Variants in ADARB2 observed in about 807,000 individuals in gnomAD.
ADARB2 encodes inactive double-stranded RNA-specific editase B2.
Under a neutral mutation model 62.2 loss-of-function variants are expected in ADARB2, and 25 were observed. The observed-to-expected ratio is 0.40, with a 90% CI of 0.29 to 0.56. The LOEUF is 0.56. ADARB2 is among the 20% of genes least tolerant of loss of function. The pLI is 0.43. For synonymous variants in ADARB2, 572 were observed against 500.8 expected (o/e 1.14, Z -1.90); for missense variants, 1,071 against 1,077.4 (o/e 0.99, Z 0.08).
At chr10:1,514,202 T>TATATATATG (rs376354957) in intron 1 of ADARB2, among the ~76,000 whole-genome samples, 1 of 116,950 alleles carries the variant, frequency 8.6e-6, no homozygotes, top group East Asian at 2.9e-4. Flanking sequence ...TATATGTATA[T>TATATATATG]TATATAAAAT....
chr10:1,654,999 A>G (rs1834156273), intron 1 of ADARB2, among the ~76,000 whole-genome samples: 1 of 152,268 alleles, frequency 6.6e-6, no homozygotes, highest in Non-Finnish European at 1.5e-5. Flanking sequence ...CACAGCAGGC[A>G]GGCGTGAGGG....
intron 1 of ADARB2, among the ~76,000 whole-genome samples, chr10:1,677,330 T>C (rs1187471774): frequency 6.6e-6 from 1 of 152,188 alleles, no homozygotes; most frequent in African/African-American, 2.4e-5. Flanking sequence ...GCTTGCAAGA[T>C]GGAAACAGGT....
intron 1 of ADARB2, among the ~76,000 whole-genome samples, chr10:1,476,101 GAAGTAAAACATC>G (rs1241668208): frequency 6.6e-6 from 1 of 152,140 alleles, no homozygotes; most frequent in Non-Finnish European, 1.5e-5. Flanking sequence ...AAGCTCTGCA[GAAGTAAAACATC>G]CTTTGAAGGG....
chr10:1,184,529 A>G (rs778325921), intron 9 of ADARB2, among the ~76,000 whole-genome samples: 1 of 152,216 alleles, frequency 6.6e-6, no homozygotes, highest in Non-Finnish European at 1.5e-5. Flanking sequence ...CGGGAATAGT[A>G]TCGACTTCAA....
intron 3 of ADARB2, among the ~76,000 whole-genome samples, chr10:1,316,323 G>A (rs529208440): frequency 2.0e-5 from 3 of 152,228 alleles, no homozygotes; most frequent in South Asian, 4.1e-4. Context: ...TGGTGATGGC[G>A]GCTTCCCTGA....
At chr10:1,249,615 T>G (rs1282555143) in intron 4 of ADARB2, among the ~76,000 whole-genome samples, 1 of 143,526 alleles carries the variant, frequency 7.0e-6, no homozygotes, top group Non-Finnish European at 1.5e-5. Flanking sequence ...TGTGATTTTA[T>G]GCACACACAC....
chr10:1,586,320 G>A (rs1033386789), intron 1 of ADARB2, among the ~76,000 whole-genome samples: 5 of 151,902 alleles, frequency 3.3e-5, no homozygotes, highest in African/African-American at 9.7e-5. Flanking sequence ...GAATTATGAG[G>A]CAGCAAAGGG....
intron 3 of ADARB2, among the ~76,000 whole-genome samples, chr10:1,340,725 GCGGCAA>G (rs1832016781): frequency 7.1e-6 from 1 of 140,886 alleles, no homozygotes; most frequent in Non-Finnish European, 1.5e-5. Context: ...GCGCCCCACA[GCGGCAA>G]TAACCAGCAT....
intron 5 of ADARB2, 122 bp downstream of exon 5, chr10:1,242,009 G>T: frequency 9.2e-7 from 1 of 1,087,252 alleles, no homozygotes; most frequent in South Asian, 1.6e-5. Context: ...GATGCTTTCT[G>T]GCTCACCCTG....
At chr10:1,613,630 G>A (rs181569890) in intron 1 of ADARB2, among the ~76,000 whole-genome samples, 15 of 152,314 alleles carry the variant, frequency 9.8e-5, no homozygotes, top group East Asian at 9.6e-4. Context: ...TGCTGTAATC[G>A]TGTTCACCCA....
At chr10:1,632,906 C>T (rs925861778) in intron 1 of ADARB2, among the ~76,000 whole-genome samples, 5 of 152,170 alleles carry the variant, frequency 3.3e-5, no homozygotes, top group Non-Finnish European at 5.9e-5. Flanking sequence ...CTGGAAGAGA[C>T]CAGCATTTGA....
At chr10:1,476,917 C>T (rs528701056) in intron 1 of ADARB2, among the ~76,000 whole-genome samples, 22 of 152,220 alleles carry the variant, frequency 1.4e-4, no homozygotes, top group African/African-American at 2.4e-4. Context: ...TTCACATGCT[C>T]GGGAACACTC....
chr10:1,282,359 C>T (rs1410477782), intron 3 of ADARB2, among the ~76,000 whole-genome samples: 2 of 152,160 alleles, frequency 1.3e-5, no homozygotes, highest in Non-Finnish European at 2.9e-5. Context: ...AAGCCCTTTC[C>T]GGGTCTCTCC....
chr10:1,494,945 A>G lies in ADARB2; in HGVS notation c.101-115785T>C, dbSNP rs555843829. 1.1e-4 allele frequency among the ~76,000 whole-genome samples: 17 copies of G among 152,338 alleles called. 1 individual carries two copies. The South Asian group carries it at 2.3e-3, about 20-fold the overall frequency. On this transcript the variant is annotated intron_variant, in intron 1 of 9. Coordinates refer to ENST00000381312, the MANE Select transcript of ADARB2 (RefSeq NM_018702.4). ...TCTGGAGCTATCTCTTGCTAAAAAC[A>G]TAAAAGATTTAAAGATTTTTCTAGG...
intron 3 of ADARB2, among the ~76,000 whole-genome samples, chr10:1,347,048 G>A (rs1220783152): frequency 2.0e-5 from 3 of 152,236 alleles, no homozygotes; most frequent in Non-Finnish European, 4.4e-5. Flanking sequence ...AGAACTGCAT[G>A]TGAACATTCC....
chr10:1,228,980 C>T (rs1310609795), intron 6 of ADARB2, among the ~76,000 whole-genome samples: 2 of 152,288 alleles, frequency 1.3e-5, no homozygotes, highest in East Asian at 3.9e-4. Flanking sequence ...CCCTCTGCCC[C>T]GAATGCATCA....
intron 1 of ADARB2, among the ~76,000 whole-genome samples, chr10:1,555,189 T>C (rs1166843496): frequency 6.6e-6 from 1 of 152,208 alleles, no homozygotes; most frequent in African/African-American, 2.4e-5. Context: ...GACTGCATGT[T>C]GCCTTTGTGG....
intron 1 of ADARB2, among the ~76,000 whole-genome samples, chr10:1,440,495 C>G (rs1202225365): frequency 6.6e-6 from 1 of 151,670 alleles, no homozygotes; most frequent in Non-Finnish European, 1.5e-5. Context: ...GAGCCAGAGC[C>G]CACGATATAC....
intron 2 of ADARB2, 79 bp from the exon 3 acceptor site, chr10:1,363,996 TC>T: frequency 7.2e-7 from 1 of 1,388,852 alleles, no homozygotes; most frequent in African/African-American, 1.5e-5. Context: ...TCCCTGAGGG[TC>T]CCCGTCCCAG....
Sources: allele counts gnomAD v4.1 joint callset (sites outside exome capture counted in the v4.1 genomes callset), GRCh38; gene constraint gnomAD v4.1.1; transcripts MANE v1.5; gene names NCBI Gene and HGNC (gene_info 2026-07-23, HGNC 2026-07-21).